Variants in FKBP6 observed in about 807,000 individuals in gnomAD.
FKBP6 encodes the protein inactive peptidyl-prolyl cis-trans isomerase FKBP6.
Under a neutral mutation model 41.7 loss-of-function variants are expected in FKBP6, and 29 were observed. The observed-to-expected ratio is 0.70, with a 90% CI of 0.52 to 0.95. The LOEUF is 0.95. Ranked by LOEUF, FKBP6 falls within the 40% of genes least tolerant of loss-of-function variation. FKBP6 has a pLI of 0.00. For missense variants in FKBP6, 338 were observed against 408.7 expected (o/e 0.83, Z 1.49); for synonymous variants, 130 against 165.1 (o/e 0.79, Z 1.63).
intron 5 of FKBP6, among the ~76,000 whole-genome samples, chr7:73,340,094 C>T (rs1056236933): frequency 1.3e-4 from 15 of 113,752 alleles, no homozygotes; most frequent in Non-Finnish European, 2.4e-4. Flanking sequence ...CTTTCAACAA[C>T]CATTTTGTAG....
chr7:73,341,767 G>C (rs548655212), intron 7 of FKBP6, among the ~76,000 whole-genome samples: 87 of 150,742 alleles, frequency 5.8e-4, no homozygotes, highest in Admixed American at 2.4e-3. Flanking sequence ...GAGTTCAGAC[G>C]ATTCTCCTGT....
rs1554546705 is a variant in FKBP6 at position 73,328,416 on chromosome 7, G to A, written c.-13G>A. The A allele has an allele frequency of 3.8e-6, 6 of 1,566,268 alleles. No homozygotes were observed. Among genetic ancestry groups the A allele is most frequent in the South Asian group, 1.2e-5 (1 of 85,338 alleles). On this transcript the variant is annotated 5_prime_UTR_variant, in exon 1 of 9. Transcript: ENST00000252037. Reference sequence around the variant, plus strand: ...AGGCCGAAGGCTCACGCCACAGGGAGGGCAGCTAGGACATGGGGGGAAGCG... The same window carrying A: ...AGGCCGAAGGCTCACGCCACAGGGAAGGCAGCTAGGACATGGGGGGAAGCG...
intron 6 of FKBP6, 70 bp from the exon 7 acceptor site, chr7:73,341,203 C>A: frequency 9.3e-7 from 1 of 1,077,452 alleles, no homozygotes; most frequent in Non-Finnish European, 1.4e-6. Context: ...GGATTACAGG[C>A]ATGAGCCACC....
At chr7:73,355,331 G>C (rs1242065669) in intron 8 of FKBP6, among the ~76,000 whole-genome samples, 1 of 152,198 alleles carries the variant, frequency 6.6e-6, no homozygotes, top group African/African-American at 2.4e-5. Context: ...ACCTCTGTGC[G>C]ATACATGTAT....
At chr7:73,345,222 GAAAAAA>G (rs1156457847) in intron 8 of FKBP6, among the ~76,000 whole-genome samples, 4 of 66,650 alleles carry the variant, frequency 6.0e-5, no homozygotes, top group Admixed American at 1.6e-4. Flanking sequence ...GCATCAGCCA[GAAAAAA>G]AAAAAAAAAA....
At chr7:73,339,208 T>TA (rs1325286145) in intron 5 of FKBP6, 1 of 152,256 alleles carries the variant, frequency 6.6e-6, no homozygotes, top group Admixed American at 6.5e-5. Flanking sequence ...CGCAGAGTCT[T>TA]AGAGTTTTAA....
chr7:73,355,731 A>C (rs1352947739), intron 8 of FKBP6, among the ~76,000 whole-genome samples: 6 of 151,724 alleles, frequency 4.0e-5, no homozygotes, highest in Non-Finnish European at 7.4e-5. Context: ...TCCTGTACCC[A>C]CTCTCCAATT....
At chr7:73,334,080 A>C (rs569493884) in intron 5 of FKBP6, among the ~76,000 whole-genome samples, 161 of 152,304 alleles carry the variant, frequency 1.1e-3, no homozygotes, top group African/African-American at 3.8e-3. Flanking sequence ...CTCAAAAAAA[A>C]AGGTCTTGCT....
chr7:73,335,236 G>A (rs1455495888), intron 5 of FKBP6, among the ~76,000 whole-genome samples: 2 of 152,132 alleles, frequency 1.3e-5, no homozygotes, highest in East Asian at 3.8e-4. Flanking sequence ...CAAATGGCTG[G>A]TGATCTTTGA....
intron 8 of FKBP6, among the ~76,000 whole-genome samples, chr7:73,351,178 C>T (rs1188087328): frequency 3.9e-5 from 6 of 152,148 alleles, no homozygotes; most frequent in Admixed American, 2.6e-4. Flanking sequence ...CACAGACATG[C>T]GCTACCACTC....
At chr7:73,344,998 C>T (rs1427685812) in intron 8 of FKBP6, among the ~76,000 whole-genome samples, 1 of 152,150 alleles carries the variant, frequency 6.6e-6, no homozygotes, top group Non-Finnish European at 1.5e-5. Flanking sequence ...TGCTCTAAGC[C>T]TCTGACTATA....
intron 8 of FKBP6, among the ~76,000 whole-genome samples, chr7:73,351,189 C>T (rs1208180518): frequency 6.6e-6 from 1 of 152,166 alleles, no homozygotes; most frequent in East Asian, 1.9e-4. Flanking sequence ...GCTACCACTC[C>T]CAGCTAAATT....
At position 73,328,257 on chromosome 7, in the gene FKBP6, C is replaced by T. The variant is rs1554546633; in HGVS notation, c.-172C>T. ...TCGCGAGGGCCAGGGCCGTTGGCGG[C>T]GGTTGGAACGAAACGATGAGTGCCT... On this transcript the variant is annotated 5_prime_UTR_variant, in exon 1 of 9. Coordinates refer to ENST00000252037, the MANE Select transcript of FKBP6 (RefSeq NM_003602.5). 1.3e-6 allele frequency: 2 copies of T among 1,548,986 alleles called. No individual in the cohort carries two copies. The highest frequency in any genetic ancestry group is 1.2e-5 in the South Asian group (1 of 83,976).
In FKBP6 at chr7:73,349,546, CAAAAAAAAAA is replaced by C. The variant is rs1175280907; in HGVS notation, c.*2+6659_*2+6668del. ...GTGAAACCCCGTCTCTACTAAAATA[CAAAAAAAAAA>C]AAAAAAAAAAATACAGGCGTGGTGG... On this transcript the variant is annotated intron_variant, in intron 8 of 8. Coordinates refer to ENST00000252037, the MANE Select transcript of FKBP6 (RefSeq NM_003602.5). 6.4e-3 allele frequency among the ~76,000 whole-genome samples: 314 copies of C among 48,686 alleles called. 2 individuals are homozygous for C. Among genetic ancestry groups the C allele is most frequent in the African/African-American group, 0.022 (301 of 13,868 alleles). The allele number at this position is 48,686 out of a possible 152,430, so 31.9% of individuals were successfully genotyped here.
At chr7:73,355,958 C>T (rs1372562171) in intron 8 of FKBP6, among the ~76,000 whole-genome samples, 1 of 148,488 alleles carries the variant, frequency 6.7e-6, no homozygotes, top group Non-Finnish European at 1.5e-5. Flanking sequence ...CCCAGCTTCT[C>T]GGGAGGCTGA....
chr7:73,334,721 G>T (rs905280598), intron 5 of FKBP6, among the ~76,000 whole-genome samples: 1 of 152,098 alleles, frequency 6.6e-6, no homozygotes, highest in South Asian at 2.1e-4. Flanking sequence ...TTAGACTGTC[G>T]ATTATAATTT....
chr7:73,342,101 C>A (rs892091783), intron 7 of FKBP6, among the ~76,000 whole-genome samples: 3 of 152,094 alleles, frequency 2.0e-5, no homozygotes, highest in Non-Finnish European at 2.9e-5. Flanking sequence ...GGGTCTGACT[C>A]ATACCCATGG....
chr7:73,354,292 G>C (rs1353969789), intron 8 of FKBP6, among the ~76,000 whole-genome samples: 1 of 152,214 alleles, frequency 6.6e-6, no homozygotes, highest in African/African-American at 2.4e-5. Flanking sequence ...GCAGAGGGAC[G>C]TGGCCAAGGG....
At chr7:73,352,628 A>G (rs1050394926) in intron 8 of FKBP6, among the ~76,000 whole-genome samples, 1 of 152,178 alleles carries the variant, frequency 6.6e-6, no homozygotes, top group Non-Finnish European at 1.5e-5. Context: ...GCTCCCAAGC[A>G]GCCACCGACC....
Sources: gnomAD v4.1 joint callset for allele counts (sites outside exome capture counted in the v4.1 genomes callset) on GRCh38, gnomAD v4.1.1 for gene constraint, MANE v1.5 for transcripts, NCBI Gene and HGNC (gene_info 2026-07-23, HGNC 2026-07-21) for gene names.